Variants in CUTA observed in about 807,000 individuals in gnomAD.
The protein encoded by CUTA is protein CutA.
A neutral mutation model predicts 20.7 loss-of-function variants in CUTA; 21 were observed. That is an observed-to-expected ratio of 1.01 (90% confidence interval 0.72 to 1.46). The LOEUF is 1.46. Ranked by LOEUF, CUTA falls within the 40% of genes most tolerant of loss-of-function variation. The pLI, the probability that CUTA is intolerant of heterozygous loss-of-function variation, is 0.00. For missense variants in CUTA, 231 were observed against 226.8 expected (o/e 1.02, Z -0.12); for synonymous variants, 99 against 97.9 (o/e 1.01, Z -0.07).
Position 33,417,660 on chromosome 6 carries a change from CG to C in CUTA, c.77del (p.Ala26GlyfsTer17). 6.2e-7 allele frequency: 1 copy of C among 1,611,476 alleles called. No individual in the cohort carries two copies. The highest frequency in any genetic ancestry group is 8.5e-7 in the Non-Finnish European group (1 of 1,178,662). Reference protein sequence around the residue: ...SLLLSFVWMPALLPVASRLLL... With the variant: ...SLLLSFVWMPXLLPVASRLLL... Reference sequence around the variant, plus strand: ...AAAGGCGGGAGGCCACAGGCAGCAGCGCCGGCATCCAAACAAAAGACAGGAG... The same window carrying C: ...AAAGGCGGGAGGCCACAGGCAGCAGCCCGGCATCCAAACAAAAGACAGGAG... On this transcript the variant is annotated frameshift_variant, in exon 2 of 6. Transcript: ENST00000488034. LOFTEE classifies it high-confidence loss of function.
rs1776504293 is a variant in CUTA at position 33,416,663 on chromosome 6, G to A, written c.527C>T (p.Thr176Ile). 2 of 1,582,170 alleles carry A rather than the reference G, an allele frequency of 1.3e-6. No homozygotes were observed. Among genetic ancestry groups the A allele is most frequent in the African/African-American group, 2.7e-5 (2 of 74,344 alleles). The change falls in exon 6 of 6, where the codon ACA becomes ATA. Residue 176 changes from threonine (T) to isoleucine (I), a missense_variant. Transcript: ENST00000488034. ...GAACAGGGCTCATCATGGCAGGACT[G>A]TGATAGAGTCAGAAACTGACTCTGT... is the stretch of plus-strand genomic sequence containing the variant. ...QVTESVSDSITVLP is the reference protein window; with the variant it reads ...QVTESVSDSIIVLP
Position 33,416,661 on chromosome 6 carries a change from C to A in CUTA, c.529G>T (p.Val177Phe), listed in dbSNP as rs563470498. The change falls in exon 6 of 6, where the codon GTC becomes TTC. Residue 177 changes from valine to phenylalanine, a missense_variant. Transcript: ENST00000488034. The part of the protein sequence containing the change: ...VTESVSDSIT[V>F]LP ...AGGAACAGGGCTCATCATGGCAGGA[C>A]TGTGATAGAGTCAGAAACTGACTCT... The A allele has an allele frequency of 4.4e-5, 69 of 1,575,718 alleles. No homozygotes were observed. In the South Asian group the frequency reaches 7.6e-4, roughly 17 times the overall value.
rs1253512367 is a variant in CUTA at position 33,417,964 on chromosome 6, C to A, written c.37G>T (p.Gly13Ter). 4.4e-6 allele frequency: 7 copies of A among 1,598,210 alleles called. No homozygotes were observed. The highest frequency in any genetic ancestry group is 8.5e-7 in the Non-Finnish European group (1 of 1,172,932). ...GGGCGGGGCCGGTCACTCACCACTC[C>A]GCCGAGCAGGACCGCGGGAGCCCGC... ...GGRAPAVLLG[G>*]VASLLLSFVW... Residue 13 changes from glycine to a stop codon, truncating the protein, a stop_gained, in exon 1 of 6, where the codon GGA (glycine) becomes TGA (stop). Coordinates refer to ENST00000488034, the MANE Select transcript of CUTA (RefSeq NM_001014840.2). LOFTEE classifies it high-confidence loss of function.
chr6:33,416,655 G>GC lies in CUTA; in HGVS notation c.534dup (p.Pro179AlafsTer54), dbSNP rs1776502841. 1.3e-6 allele frequency: 2 copies of GC among 1,546,740 alleles called. No individual in the cohort carries two copies. The highest frequency in any genetic ancestry group is 3.3e-5 in the Admixed American group (2 of 59,932). On this transcript the variant is annotated frameshift_variant, in exon 6 of 6. Coordinates refer to ENST00000488034, the MANE Select transcript of CUTA (RefSeq NM_001014840.2). LOFTEE classifies it high-confidence loss of function. ...ATGAGCAGGAACAGGGCTCATCATG[G>GC]CAGGACTGTGATAGAGTCAGAAACT...
Position 33,416,475 on chromosome 6 carries a change from A to T in CUTA, c.*175T>A. 1.6e-6 allele frequency: 1 copy of T among 614,300 alleles called. No homozygotes were observed. Among genetic ancestry groups the T allele is most frequent in the Non-Finnish European group, 3.0e-6 (1 of 336,928 alleles). The allele number at this position is 614,300 out of a possible 1,614,324, so 38.1% of individuals were successfully genotyped here. A position where few individuals can be genotyped will look rare whatever the true frequency, so the allele number is the denominator to read the frequency against. On this transcript the variant is annotated 3_prime_UTR_variant, in exon 6 of 6. Transcript: ENST00000488034. ...CTGAGTCATTCTGAAAGATGTAGAGAATACAGGGACTAGAAGCACTTATAT... is the reference window on the plus strand; with the variant it reads ...CTGAGTCATTCTGAAAGATGTAGAGTATACAGGGACTAGAAGCACTTATAT...
At position 33,417,158 on chromosome 6, in the gene CUTA, G is replaced by T; in HGVS notation, c.318-16C>A. The T allele has an allele frequency of 6.2e-7, 1 of 1,612,246 alleles. No individual in the cohort carries two copies. Among genetic ancestry groups the T allele is most frequent in the Non-Finnish European group, 8.5e-7 (1 of 1,178,628 alleles). On this transcript the variant is annotated splice_polypyrimidine_tract_variant and intron_variant, in intron 3 of 5. Coordinates refer to ENST00000488034, the MANE Select transcript of CUTA (RefSeq NM_001014840.2). The stretch of plus-strand genomic sequence containing the variant: ...CCACTCATAGCTGAAAGGTCAGAGG[G>T]GGAGAGTTGTGGGGAGCAAAGAATT...
rs756792433 is a variant in CUTA, at chr6:33,417,507, G to T, written c.231C>A (p.Asn77Lys). ...SVSAAFVTCPNEKVAKEIARA... is the reference protein window; with the variant it reads ...SVSAAFVTCPKEKVAKEIARA... ...TGGCGATCTCCTTGGCGACCTTCTC[G>T]TTGGGGCAAGTAACAAAGGCTGCAG... Residue 77 changes from asparagine (N) to lysine (K), a missense_variant, in exon 2 of 6, where the codon AAC becomes AAA. Asn to Lys is a moderately conservative substitution (Grantham distance 94). Coordinates refer to ENST00000488034, the MANE Select transcript of CUTA (RefSeq NM_001014840.2). The T allele has an allele frequency of 1.2e-6, 2 of 1,614,106 alleles. No individual in the cohort carries two copies. The highest frequency in any genetic ancestry group is 3.3e-5 in the Admixed American group (2 of 60,024).
Position 33,416,552 on chromosome 6 carries a change from C to T in CUTA, c.*98G>A. ...AAAAAACAGGCAAAAGGCAGAGAGA[C>T]CCAAAGACGGGATTTATTGGGGGCC... On this transcript the variant is annotated 3_prime_UTR_variant, in exon 6 of 6. Transcript: ENST00000488034. 1.3e-6 allele frequency: 1 copy of T among 791,160 alleles called. No individual in the cohort carries two copies. The allele number at this position is 791,160 out of a possible 1,614,324, so 49.0% of individuals were successfully genotyped here.
Position 33,417,477 on chromosome 6 carries a change from C to T in CUTA, c.257+4G>A. Reference sequence around the variant, plus strand: ...CCTTTCTCGCTGCACATCGAGGTCCCTACCTGGCGATCTCCTTGGCGACCT... The same window carrying T: ...CCTTTCTCGCTGCACATCGAGGTCCTTACCTGGCGATCTCCTTGGCGACCT... On this transcript the variant is annotated splice_donor_region_variant and intron_variant, in intron 2 of 5. Transcript: ENST00000488034. The T allele has an allele frequency of 6.2e-7, 1 of 1,614,124 alleles. No homozygotes were observed. Among genetic ancestry groups the T allele is most frequent in the Non-Finnish European group, 8.5e-7 (1 of 1,179,978 alleles).
intron 2 of CUTA, 26 bp from the exon 3 acceptor site, chr6:33,417,336 A>G (rs774447638): frequency 1.2e-5 from 20 of 1,614,022 alleles, no homozygotes; most frequent in East Asian, 6.7e-5. Context: ...AGTCCCATTC[A>G]GAGTACCCCA....
intron 1 of CUTA, 114 bp from the exon 2 acceptor site, chr6:33,417,809 G>A (rs1776604373): frequency 1.9e-6 from 3 of 1,543,624 alleles, no homozygotes; most frequent in Non-Finnish European, 2.6e-6. Context: ...CACCCCCGAA[G>A]AATGCCCCTG....
chr6:33,418,088 T>C lies in CUTA; in HGVS notation c.-88A>G. On this transcript the variant is annotated 5_prime_UTR_variant, in exon 1 of 6. Transcript: ENST00000488034. This position sits in a 1 kb window ranked among gnomAD's most constrained non-coding sequence, Gnocchi z 5.7. The stretch of plus-strand genomic sequence containing the variant: ...CCAGGAAGAGCGGCCTCTTCTTACC[T>C]GGGTGGCAGCCACGTGATTAGAAAA... 6.2e-7 allele frequency: 1 copy of C among 1,613,942 alleles called. No homozygotes were observed. The highest frequency in any genetic ancestry group is 8.5e-7 in the Non-Finnish European group (1 of 1,179,992).
Position 33,417,228 on chromosome 6 carries a change from ACCC to A in CUTA, c.317+20_317+22del. On this transcript the variant is annotated intron_variant, in intron 3 of 5. Coordinates refer to ENST00000488034, the MANE Select transcript of CUTA (RefSeq NM_001014840.2). ...CCAGTCAGCTCCTACAGTTAGGTTA[ACCC>A]CCCAACTCCTATGACTCACATGGAT... 1 of 1,613,922 alleles carries A rather than the reference ACCC, an allele frequency of 6.2e-7. No homozygotes were observed. The highest frequency in any genetic ancestry group is 8.5e-7 in the Non-Finnish European group (1 of 1,179,918).
rs769474314 is a variant in CUTA, at chr6:33,416,772, C to G, written c.418G>C (p.Val140Leu). The change falls in exon 6 of 6, where the codon GTG becomes CTG. Residue 140 changes from valine (V) to leucine (L), a missense_variant. Val to Leu is a conservative substitution (Grantham distance 32). Transcript: ENST00000488034. ...VPALTDFVRS[V>L]HPYEVAEVIA... is the part of the protein sequence containing the mutation. ...ACCTCGGCCACTTCGTAAGGGTGCA[C>G]AGAACTACAAAATAGGTGGGTGGGG... 3 of 1,613,942 alleles carry G rather than the reference C, an allele frequency of 1.9e-6. No homozygotes were observed. Among genetic ancestry groups the G allele is most frequent in the Non-Finnish European group, 2.5e-6 (3 of 1,179,936 alleles).
rs1382237710 is a variant in CUTA, at chr6:33,416,510, A to C, written c.*140T>G. On this transcript the variant is annotated 3_prime_UTR_variant, in exon 6 of 6. Coordinates refer to ENST00000488034, the MANE Select transcript of CUTA (RefSeq NM_001014840.2). ...CTAGAAGCACTTATATTCTCCCAAC[A>C]AATTTGCATACATGACAAAAAACAG... The C allele has an allele frequency of 1.5e-6, 1 of 678,688 alleles. No homozygotes were observed. The highest frequency in any genetic ancestry group is 2.5e-5 in the East Asian group (1 of 40,104). The allele number at this position is 678,688 out of a possible 1,614,324, so 42.0% of individuals were successfully genotyped here. A position where few individuals can be genotyped will look rare whatever the true frequency, so the allele number is the denominator to read the frequency against.
chr6:33,417,437 T>C, intron 2 of CUTA, 44 bp downstream of exon 2: 2 of 1,612,766 alleles, frequency 1.2e-6, no homozygotes, highest in Non-Finnish European at 1.7e-6. Flanking sequence ...CCCCCAACTG[T>C]CCCTTCATGA....
At position 33,417,251 on chromosome 6, in the gene CUTA, A is replaced by C; in HGVS notation, c.317T>G (p.Ile106Ser). The C allele has an allele frequency of 6.2e-7, 1 of 1,614,182 alleles. No individual in the cohort carries two copies. Among genetic ancestry groups the C allele is most frequent in the South Asian group, 1.1e-5 (1 of 91,086 alleles). Residue 106 changes from isoleucine to serine, a missense_variant and splice_region_variant, in exon 3 of 6, where the codon ATC becomes AGC. Transcript: ENST00000488034. ...CVNLIPQITS[I>S]YEWKGKIEED... ...TAACCCCCCAACTCCTATGACTCACATGGATGTAATCTGAGGGATGAGGTT... is the reference window on the plus strand; with the variant it reads ...TAACCCCCCAACTCCTATGACTCACCTGGATGTAATCTGAGGGATGAGGTT...
At position 33,417,607 on chromosome 6, in the gene CUTA, A is replaced by AG; in HGVS notation, c.130_131insC (p.Met44ThrfsTer65). The AG allele has an allele frequency of 1.2e-6, 2 of 1,614,118 alleles. No individual in the cohort carries two copies. Among genetic ancestry groups the AG allele is most frequent in the Non-Finnish European group, 1.7e-6 (2 of 1,180,020 alleles). On this transcript the variant is annotated frameshift_variant, in exon 2 of 6. Coordinates refer to ENST00000488034, the MANE Select transcript of CUTA (RefSeq NM_001014840.2). LOFTEE classifies it high-confidence loss of function. Reference sequence around the variant, plus strand: ...CTGGGTCGGAGGGCTTCCAGAGGCCATGGTCAGCAAGACTCGGGGTAGCAA... The same window carrying AG: ...CTGGGTCGGAGGGCTTCCAGAGGCCAGTGGTCAGCAAGACTCGGGGTAGCAA...
Position 33,416,956 on chromosome 6 carries a change from T to G in CUTA, c.377A>C (p.Gln126Pro), listed in dbSNP as rs764336531. The change falls in exon 5 of 6, where the codon CAA becomes CCA. Residue 126 changes from glutamine to proline, a missense_variant. Coordinates refer to ENST00000488034, the MANE Select transcript of CUTA (RefSeq NM_001014840.2). ...TGTCAAAGCTGGGACCAAGGAACTTTGGGTTTTAATCATCTAAGGGACAAA... is the reference window on the plus strand; with the variant it reads ...TGTCAAAGCTGGGACCAAGGAACTTGGGGTTTTAATCATCTAAGGGACAAA... ...DSEVLMMIKTQSSLVPALTDF... is the reference protein window; with the variant it reads ...DSEVLMMIKTPSSLVPALTDF... The G allele has an allele frequency of 2.9e-5, 47 of 1,614,006 alleles. No individual in the cohort carries two copies. The highest frequency in any genetic ancestry group is 3.6e-5 in the Non-Finnish European group (43 of 1,180,026).
Sources: allele counts gnomAD v4.1 joint callset, GRCh38; gene constraint gnomAD v4.1.1; non-coding constraint Gnocchi (gnomAD v3.1); transcripts MANE v1.5; gene names NCBI Gene and HGNC (gene_info 2026-07-23, HGNC 2026-07-21).